CDKAL1: variants seen among roughly 807,000 people sequenced by gnomAD.
The protein encoded by CDKAL1 is threonylcarbamoyladenosine tRNA methylthiotransferase.
A neutral mutation model predicts 68.2 loss-of-function variants in CDKAL1; 32 were observed. That is an observed-to-expected ratio of 0.47 (90% CI 0.35 to 0.63). The LOEUF (loss-of-function observed/expected upper bound fraction) is 0.63. Among genes scored for constraint, CDKAL1 ranks in the 30% least tolerant of loss-of-function variants. The pLI, the probability that CDKAL1 is intolerant of heterozygous loss-of-function variation, is 0.00. For missense variants in CDKAL1, 606 were observed against 696.7 expected, an observed-to-expected ratio of 0.87 and a Z score of 1.47; for synonymous variants, 234 against 244.3, an observed-to-expected ratio of 0.96 and a Z score of 0.39.
chr6:20,558,828 T>C (rs1341052529), intron 4 of CDKAL1: 2 of 342,298 alleles, frequency 5.8e-6, no homozygotes, highest in Non-Finnish European at 1.2e-5. Context: ...TTAGGGCATG[T>C]TGTTTGCCCA....
chr6:21,036,462 A>G (rs968322458), intron 11 of CDKAL1, among the ~76,000 whole-genome samples: 5 of 152,176 alleles, frequency 3.3e-5, no homozygotes, highest in African/African-American at 1.2e-4. Flanking sequence ...AAATTTGTAG[A>G]AGCGATGGAA....
In CDKAL1 at chr6:20,687,111, T is replaced by C. The variant is rs376010690; in HGVS notation, c.371+37734T>C. 9.8e-5 allele frequency among the ~76,000 whole-genome samples: 15 copies of C among 152,342 alleles called. No individual in the cohort carries two copies. In the East Asian group the frequency reaches 2.7e-3, roughly 27 times the overall value. Reference sequence around the variant, plus strand: ...TTGATTTTCTATGGATGATTTTATATCTATGTTCATGATAAATATTGGTCA... The same window carrying C: ...TTGATTTTCTATGGATGATTTTATACCTATGTTCATGATAAATATTGGTCA... On this transcript the variant is annotated intron_variant, in intron 5 of 15. Transcript: ENST00000274695.
At chr6:20,681,649 CT>C (rs1770380704) in intron 5 of CDKAL1, among the ~76,000 whole-genome samples, 1 of 152,014 alleles carries the variant, frequency 6.6e-6, no homozygotes, top group Non-Finnish European at 1.5e-5. Flanking sequence ...AGTAGATGGT[CT>C]TGGTGGGGAA....
intron 8 of CDKAL1, among the ~76,000 whole-genome samples, chr6:20,790,562 C>T (rs1434663030): frequency 6.6e-6 from 1 of 152,154 alleles, no homozygotes; most frequent in Admixed American, 6.5e-5. Flanking sequence ...GCCAGTGATG[C>T]CCCCTGATCC....
intron 5 of CDKAL1, among the ~76,000 whole-genome samples, chr6:20,700,432 A>G (rs990210854): frequency 3.3e-5 from 5 of 152,184 alleles, no homozygotes; most frequent in African/African-American, 9.7e-5. Context: ...TAAATGTTCA[A>G]TTTTGAAAAG....
chr6:20,827,850 GT>G (rs1009320680), intron 8 of CDKAL1, among the ~76,000 whole-genome samples: 4 of 149,184 alleles, frequency 2.7e-5, no homozygotes, highest in Non-Finnish European at 4.5e-5. Context: ...TATTGTTTTA[GT>G]TTTTTTTTTA....
intron 13 of CDKAL1, among the ~76,000 whole-genome samples, chr6:21,143,825 C>T (rs960729613): frequency 2.0e-5 from 3 of 152,050 alleles, no homozygotes; most frequent in African/African-American, 7.2e-5. Context: ...CTCAAGGGAC[C>T]CTAGTCGGGA....
At chr6:21,060,118 A>G (rs1203538843) in intron 11 of CDKAL1, among the ~76,000 whole-genome samples, 3 of 152,192 alleles carry the variant, frequency 2.0e-5, no homozygotes, top group Non-Finnish European at 4.4e-5. Flanking sequence ...TGATTTTATC[A>G]TTCTTTAAAT....
intron 11 of CDKAL1, among the ~76,000 whole-genome samples, chr6:21,027,799 G>A (rs896216470): frequency 7.2e-5 from 11 of 152,160 alleles, no homozygotes; most frequent in Non-Finnish European, 1.5e-4. Flanking sequence ...ACAGCAGCAG[G>A]AAACAGGCTA....
chr6:20,641,832 G>A (rs577649522), intron 4 of CDKAL1, among the ~76,000 whole-genome samples: 82 of 58,700 alleles, frequency 1.4e-3, no homozygotes, highest in African/African-American at 3.5e-3. Flanking sequence ...GTGTGTGTGC[G>A]TGCGTGTGTG....
intron 12 of CDKAL1, among the ~76,000 whole-genome samples, chr6:21,096,482 A>G (rs1268786763): frequency 6.6e-6 from 1 of 152,212 alleles, no homozygotes. Flanking sequence ...AAATAAAAGG[A>G]AGAGAAATAC....
At chr6:20,719,462 G>C (rs562776766) in intron 5 of CDKAL1, among the ~76,000 whole-genome samples, 37 of 152,230 alleles carry the variant, frequency 2.4e-4, no homozygotes, top group African/African-American at 8.7e-4. Flanking sequence ...CTGTGACATA[G>C]TATTTATATG....
At chr6:20,962,190 T>C (rs908782994) in intron 10 of CDKAL1, among the ~76,000 whole-genome samples, 28 of 152,368 alleles carry the variant, frequency 1.8e-4, no homozygotes, top group Admixed American at 1.6e-3. Flanking sequence ...GACACTAACA[T>C]TCACATTGAT....
intron 9 of CDKAL1, among the ~76,000 whole-genome samples, chr6:20,894,114 C>T (rs753228629): frequency 2.2e-4 from 34 of 152,098 alleles, no homozygotes; most frequent in Non-Finnish European, 4.6e-4. Context: ...AGTTCATTAG[C>T]TTATTGACTG....
At chr6:21,108,280 TA>T (rs77019216) in intron 12 of CDKAL1, 120 bp from the exon 13 acceptor site, 165,978 of 454,362 alleles carry the variant, frequency 0.37, 15,579 homozygotes, top group East Asian at 0.56. Context: ...AAGAATCTCT[TA>T]AAAAAAAAAA....
At chr6:21,148,875 T>G (rs1776289202) in intron 13 of CDKAL1, among the ~76,000 whole-genome samples, 1 of 152,184 alleles carries the variant, frequency 6.6e-6, no homozygotes, top group Non-Finnish European at 1.5e-5. Context: ...AGATTACCAT[T>G]CATGACTAAA....
At chr6:21,191,130 T>G (rs1778220437) in intron 13 of CDKAL1, among the ~76,000 whole-genome samples, 1 of 152,264 alleles carries the variant, frequency 6.6e-6, no homozygotes, top group Non-Finnish European at 1.5e-5. Context: ...TTGTTTAATT[T>G]GAGTAATGTC....
intron 13 of CDKAL1, among the ~76,000 whole-genome samples, chr6:21,163,381 C>A (rs2151066315): frequency 6.6e-6 from 1 of 152,242 alleles, no homozygotes; most frequent in East Asian, 1.9e-4. Flanking sequence ...TCACAGTAAC[C>A]CAAAACAAAC....
chr6:21,127,304 A>G (rs1184245161), intron 13 of CDKAL1, among the ~76,000 whole-genome samples: 3 of 152,250 alleles, frequency 2.0e-5, no homozygotes, highest in African/African-American at 7.2e-5. Context: ...TCTGTCAAAA[A>G]GTGTTCCATC....
Sources: gnomAD v4.1 joint callset for allele counts (sites outside exome capture counted in the v4.1 genomes callset) on GRCh38, gnomAD v4.1.1 for gene constraint, MANE v1.5 for transcripts, NCBI Gene and HGNC (gene_info 2026-07-23, HGNC 2026-07-21) for gene names.